Variants in SNTG1 observed in about 807,000 individuals in gnomAD.
SNTG1 encodes gamma-1-syntrophin.
A neutral mutation model predicts 74.7 loss-of-function variants in SNTG1; 39 were observed. The observed-to-expected ratio is 0.52, with a 90% CI of 0.40 to 0.68. SNTG1 has a LOEUF of 0.68. Ranked by LOEUF, SNTG1 falls within the 30% of genes least tolerant of loss-of-function variation. The pLI is 0.00. For synonymous variants in SNTG1, 254 were observed against 217.1 expected, an observed-to-expected ratio of 1.17 and a Z score of -1.49; for missense variants, 685 against 609.5, an observed-to-expected ratio of 1.12 and a Z score of -1.30.
At chr8:50,356,354 G>T (rs1368754631) in intron 2 of SNTG1, among the ~76,000 whole-genome samples, 1 of 152,096 alleles carries the variant, frequency 6.6e-6, no homozygotes, top group Non-Finnish European at 1.5e-5. Context: ...TCACAGTACT[G>T]TTGTGGACAG....
intron 1 of SNTG1, among the ~76,000 whole-genome samples, chr8:49,987,422 C>G (rs1471971149): frequency 6.6e-6 from 1 of 151,998 alleles, no homozygotes; most frequent in Admixed American, 6.6e-5. Flanking sequence ...TAAGATACAC[C>G]TAAAAAGAGT....
intron 13 of SNTG1, among the ~76,000 whole-genome samples, chr8:50,614,943 T>TC (rs2094875962): frequency 6.6e-6 from 1 of 151,018 alleles, no homozygotes; most frequent in Non-Finnish European, 1.5e-5. Context: ...AGTAGTTTTT[T>TC]CTTTTTTTTT....
chr8:50,091,720 C>T (rs567645590), intron 1 of SNTG1, among the ~76,000 whole-genome samples: 3 of 151,840 alleles, frequency 2.0e-5, no homozygotes, highest in Non-Finnish European at 2.9e-5. Flanking sequence ...TTATGTTTTT[C>T]TTGAGAATAA....
intron 13 of SNTG1, among the ~76,000 whole-genome samples, chr8:50,593,725 T>C (rs916380355): frequency 6.6e-6 from 1 of 151,332 alleles, no homozygotes; most frequent in Non-Finnish European, 1.5e-5. Flanking sequence ...TTCTTTTTTT[T>C]TTTTTTTTGA....
intron 1 of SNTG1, among the ~76,000 whole-genome samples, chr8:49,993,681 G>A (rs1234354574): frequency 2.0e-5 from 3 of 152,146 alleles, no homozygotes; most frequent in Non-Finnish European, 4.4e-5. Flanking sequence ...TCCTGTGTTA[G>A]TATGCCAAGA....
At chr8:50,312,214 G>T (rs1382739957) in intron 2 of SNTG1, among the ~76,000 whole-genome samples, 1 of 151,942 alleles carries the variant, frequency 6.6e-6, no homozygotes, top group African/African-American at 2.4e-5. Flanking sequence ...TATTATCTGG[G>T]ATTTCAGTGA....
intron 1 of SNTG1, among the ~76,000 whole-genome samples, chr8:50,145,307 C>T (rs1413119843): frequency 1.3e-5 from 2 of 152,080 alleles, no homozygotes; most frequent in East Asian, 3.9e-4. Flanking sequence ...AATCTATATA[C>T]AAATATATAT....
Position 50,274,895 on chromosome 8 carries a change from A to T in SNTG1, c.-28+102260A>T, listed in dbSNP as rs577478793. 1.9e-4 allele frequency among the ~76,000 whole-genome samples: 29 copies of T among 152,328 alleles called. 1 individual carries two copies. The South Asian group carries it at 5.8e-3, about 30-fold the overall frequency. Reference sequence around the variant, plus strand: ...GTTGAACTAGCGTCAAATATGTGGGATAAATTCCACTCGGTAGTACTATGT... The same window carrying T: ...GTTGAACTAGCGTCAAATATGTGGGTTAAATTCCACTCGGTAGTACTATGT... On this transcript the variant is annotated intron_variant, in intron 2 of 18. Coordinates refer to ENST00000642720, the MANE Select transcript of SNTG1 (RefSeq NM_018967.5).
At chr8:50,157,511 A>G (rs1050869488) in intron 1 of SNTG1, among the ~76,000 whole-genome samples, 4 of 152,278 alleles carry the variant, frequency 2.6e-5, no homozygotes, top group African/African-American at 9.6e-5. Context: ...ATATTATTCA[A>G]CACACAATTA....
At chr8:50,104,793 T>A (rs528683515) in intron 1 of SNTG1, among the ~76,000 whole-genome samples, 4 of 152,270 alleles carry the variant, frequency 2.6e-5, no homozygotes, top group African/African-American at 9.6e-5. Flanking sequence ...AAAGAACATC[T>A]TTATTTCTGC....
At position 50,791,162 on chromosome 8, in the gene SNTG1, T is replaced by C. The variant is rs1236397293; in HGVS notation, c.1396-1509T>C. On this transcript the variant is annotated intron_variant, in intron 18 of 18. Coordinates refer to ENST00000642720, the MANE Select transcript of SNTG1 (RefSeq NM_018967.5). ...AATAAACTGGCTACACCAAGCATTA[T>C]GGGGTGAATGGAGGATTTCCAGGGT... 3.3e-5 allele frequency among the ~76,000 whole-genome samples: 5 copies of C among 151,994 alleles called. No homozygotes were observed. In the South Asian group the frequency reaches 8.3e-4, roughly 25 times the overall value.
intron 8 of SNTG1, among the ~76,000 whole-genome samples, chr8:50,500,183 T>A (rs1053771364): frequency 6.6e-6 from 1 of 151,822 alleles, no homozygotes; most frequent in Non-Finnish European, 1.5e-5. Flanking sequence ...ATGACTCATA[T>A]GATATGCATT....
intron 2 of SNTG1, among the ~76,000 whole-genome samples, chr8:50,377,256 A>G (rs149611822): frequency 5.3e-4 from 80 of 152,310 alleles, no homozygotes; most frequent in African/African-American, 1.8e-3. Flanking sequence ...AGGAAGAAAA[A>G]AAATGGAATG....
chr8:50,219,192 A>G (rs2084938884), intron 2 of SNTG1, among the ~76,000 whole-genome samples: 1 of 152,206 alleles, frequency 6.6e-6, no homozygotes, highest in Non-Finnish European at 1.5e-5. Flanking sequence ...GGCATCTTTT[A>G]GACTAGAATC....
chr8:49,928,205 G>C (rs1255326473), intron 1 of SNTG1, among the ~76,000 whole-genome samples: 2 of 132,002 alleles, frequency 1.5e-5, no homozygotes, highest in African/African-American at 2.9e-5. Flanking sequence ...TGGACTTTGG[G>C]TGAAGATGTG....
At chr8:50,380,435 A>C (rs1052098498) in intron 2 of SNTG1, among the ~76,000 whole-genome samples, 6 of 152,212 alleles carry the variant, frequency 3.9e-5, no homozygotes, top group African/African-American at 1.4e-4. Context: ...TTTTGCCTAG[A>C]GCAAACTCTA....
chr8:50,737,083 A>G (rs947375556), intron 17 of SNTG1, among the ~76,000 whole-genome samples: 2 of 152,062 alleles, frequency 1.3e-5, no homozygotes, highest in Admixed American at 6.6e-5. Context: ...TGAAGGAAAT[A>G]GAGACATGAA....
In SNTG1 at chr8:50,365,925, C is replaced by A. The variant is rs146084585; in HGVS notation, c.-27-28287C>A. On this transcript the variant is annotated intron_variant, in intron 2 of 18. Coordinates refer to ENST00000642720, the MANE Select transcript of SNTG1 (RefSeq NM_018967.5). ...TGCAAAACTGCATCTAGATTGGATT[C>A]TGGGCAGCTGACATAAAAGCAATTT... Among the ~76,000 whole-genome samples, 144 of 152,190 alleles carry A rather than the reference C, an allele frequency of 9.5e-4. 1 individual carries two copies. In the East Asian group the frequency reaches 0.026, roughly 27 times the overall value.
At chr8:50,261,461 G>A (rs1183235301) in intron 2 of SNTG1, among the ~76,000 whole-genome samples, 1 of 152,026 alleles carries the variant, frequency 6.6e-6, no homozygotes, top group African/African-American at 2.4e-5. Context: ...TTTTCAAAAT[G>A]AAAAGCACTA....
Sources: gnomAD v4.1 joint callset for allele counts (sites outside exome capture counted in the v4.1 genomes callset) on GRCh38, gnomAD v4.1.1 for gene constraint, MANE v1.5 for transcripts, NCBI Gene and HGNC (gene_info 2026-07-23, HGNC 2026-07-21) for gene names.